Variants in MRTFB observed in about 807,000 individuals in gnomAD.
The protein encoded by MRTFB is myocardin related transcription factor B.
In MRTFB, 29 loss-of-function variants were observed where a neutral mutation model predicts 104.2. The observed-to-expected ratio is 0.28, with a 90% CI of 0.21 to 0.38. The LOEUF is 0.38. Ranked by LOEUF, MRTFB falls within the 10% of genes least tolerant of loss-of-function variation. The pLI, the probability that MRTFB is intolerant of heterozygous loss-of-function variation, is 1.00. For missense variants in MRTFB, 1,270 were observed against 1,341.6 expected, an observed-to-expected ratio of 0.95 and a Z score of 0.83; for synonymous variants, 535 against 519.5, an observed-to-expected ratio of 1.03 and a Z score of -0.41.
the MRTFB span, among the ~76,000 whole-genome samples, chr16:14,056,845 A>C: frequency 1.3e-5 from 2 of 152,234 alleles, no homozygotes; most frequent in African/African-American, 4.8e-5. Flanking sequence ...CCTTTAGTTC[A>C]TACCAATACT....
At chr16:14,172,182 G>A (rs1428084413) in intron 3 of MRTFB, among the ~76,000 whole-genome samples, 2 of 151,998 alleles carry the variant, frequency 1.3e-5, no homozygotes, top group Admixed American at 6.6e-5. Flanking sequence ...ACCCAATGAA[G>A]GTAATAAATC....
intron 2 of MRTFB, among the ~76,000 whole-genome samples, chr16:14,111,696 A>G (rs955811616): frequency 3.3e-5 from 5 of 152,166 alleles, no homozygotes; most frequent in South Asian, 2.1e-4. Flanking sequence ...GGAGGGGCTG[A>G]CTAACCTGGA....
the MRTFB span, among the ~76,000 whole-genome samples, chr16:14,058,052 G>C: frequency 6.6e-6 from 1 of 152,154 alleles, no homozygotes; most frequent in African/African-American, 2.4e-5. Flanking sequence ...CAGTGGGAGG[G>C]AGAGCCTACG....
At chr16:14,206,038 C>T (rs1376754302) in intron 3 of MRTFB, among the ~76,000 whole-genome samples, 2 of 106,938 alleles carry the variant, frequency 1.9e-5, no homozygotes, top group African/African-American at 7.5e-5. Context: ...GGCTGAGTGA[C>T]ATTCAGTGGT....
intron 3 of MRTFB, among the ~76,000 whole-genome samples, chr16:14,165,109 C>T (rs1340234923): frequency 3.3e-5 from 5 of 151,692 alleles, no homozygotes; most frequent in Admixed American, 1.3e-4. Flanking sequence ...TCTTTTGTTC[C>T]AATGCTTAGT....
At chr16:14,260,269 A>T (rs2043709918) in intron 16 of MRTFB, among the ~76,000 whole-genome samples, 1 of 152,204 alleles carries the variant, frequency 6.6e-6, no homozygotes, top group Non-Finnish European at 1.5e-5. Flanking sequence ...TTAATTCAGA[A>T]ATGAAATCAA....
chr16:14,033,835 C>CAAAAAAAAAA, the MRTFB span, among the ~76,000 whole-genome samples: 1 of 90,498 alleles, frequency 1.1e-5, no homozygotes, highest in Non-Finnish European at 2.2e-5. Flanking sequence ...GACTCAGTCT[C>CAAAAAAAAAA]AAAAAAAAAA....
chr16:14,088,239 AGCCTTGTGCAAT>A (rs781493905), intron 2 of MRTFB, among the ~76,000 whole-genome samples: 3 of 152,188 alleles, frequency 2.0e-5, no homozygotes. Flanking sequence ...ATGTACATTG[AGCCTTGTGCAAT>A]GTCTTTTGTG....
At chr16:14,122,928 T>A (rs1256567932) in intron 2 of MRTFB, among the ~76,000 whole-genome samples, 1 of 152,248 alleles carries the variant, frequency 6.6e-6, no homozygotes, top group African/African-American at 2.4e-5. Flanking sequence ...GCATTCCTAT[T>A]TCTCCACATC....
intron 2 of MRTFB, among the ~76,000 whole-genome samples, chr16:14,132,365 T>C (rs1597005465): frequency 6.6e-6 from 1 of 152,012 alleles, no homozygotes; most frequent in East Asian, 1.9e-4. Context: ...GATGGTTACA[T>C]ACCTTCTGAA....
At chr16:14,057,267 A>G in the MRTFB span, among the ~76,000 whole-genome samples, 2 of 150,456 alleles carry the variant, frequency 1.3e-5, no homozygotes, top group East Asian at 3.9e-4. Flanking sequence ...ATATTTCCGG[A>G]AAAAAAAAAT....
the MRTFB span, among the ~76,000 whole-genome samples, chr16:14,023,261 G>C: frequency 4.6e-5 from 7 of 151,990 alleles, no homozygotes; most frequent in South Asian, 1.0e-3. Context: ...AATAAGGCAA[G>C]ACCCTATCTC....
intron 2 of MRTFB, among the ~76,000 whole-genome samples, chr16:14,099,150 G>GT (rs1596817478): frequency 6.6e-6 from 1 of 152,272 alleles, no homozygotes; most frequent in East Asian, 1.9e-4. Context: ...TTGATAGTCA[G>GT]TTTGGAGAGA....
At chr16:14,157,413 A>G (rs1283795338) in intron 3 of MRTFB, among the ~76,000 whole-genome samples, 1 of 152,238 alleles carries the variant, frequency 6.6e-6, no homozygotes. Flanking sequence ...ACATAATCTG[A>G]TCAAAATCTC....
In MRTFB at chr16:14,246,799, C is replaced by T; in HGVS notation, c.1539C>T (p.Ser513=). 6.2e-7 allele frequency: 1 copy of T among 1,613,634 alleles called. No homozygotes were observed. The highest frequency in any genetic ancestry group is 8.5e-7 in the Non-Finnish European group (1 of 1,180,032). ...TTTCACCATCTCCCTCCGAACAGTC[C>T]AGTCTCAGTACTGATGACACAAACA... is the stretch of plus-strand genomic sequence containing the variant. ...LPISPSPSEQ[S]SLSTDDTNMA... Residue 513 remains serine (S), a synonymous_variant, in exon 12 of 17, where the codon TCC becomes TCT. Transcript: ENST00000571589.
At chr16:14,122,156 A>G (rs575292748) in intron 2 of MRTFB, among the ~76,000 whole-genome samples, 35 of 151,724 alleles carry the variant, frequency 2.3e-4, no homozygotes, top group Admixed American at 1.2e-3. Flanking sequence ...ATATATACAC[A>G]TAGGACATTC....
At chr16:14,179,717 A>G (rs2039704384) in intron 3 of MRTFB, among the ~76,000 whole-genome samples, 1 of 152,226 alleles carries the variant, frequency 6.6e-6, no homozygotes. Flanking sequence ...TAAGGAAGAG[A>G]ATGCAGGTAA....
chr16:14,253,173 T>A (rs1167814590), intron 15 of MRTFB, among the ~76,000 whole-genome samples: 1 of 152,190 alleles, frequency 6.6e-6, no homozygotes, highest in Non-Finnish European at 1.5e-5. Context: ...TGGCCCATGG[T>A]GGGTGCCCAG....
At chr16:14,113,326 G>C (rs1287414886) in intron 2 of MRTFB, among the ~76,000 whole-genome samples, 3 of 152,214 alleles carry the variant, frequency 2.0e-5, no homozygotes, top group Admixed American at 1.3e-4. Flanking sequence ...TTACAGGCGT[G>C]AGCCACCACG....
Sources: allele counts gnomAD v4.1 joint callset (sites outside exome capture counted in the v4.1 genomes callset), GRCh38; gene constraint gnomAD v4.1.1; transcripts MANE v1.5; gene names NCBI Gene and HGNC (gene_info 2026-07-23, HGNC 2026-07-21).